Variants in GPC3 observed in about 807,000 individuals in gnomAD.
GPC3 encodes the protein glypican-3.
GPC3 carries 3 observed loss-of-function variants against 34.4 expected under a neutral mutation model. That is an observed-to-expected ratio of 0.09 (90% CI 0.04 to 0.23). The LOEUF is 0.23. Ranked by LOEUF, GPC3 falls within the 10% of genes least tolerant of loss-of-function variation. GPC3 has a pLI of 1.00. For missense variants in GPC3, 351 were observed against 445.6 expected, an observed-to-expected ratio of 0.79 and a Z score of 1.91; for synonymous variants, 177 against 174.0, an observed-to-expected ratio of 1.02 and a Z score of -0.13.
rs753432691 is a variant in GPC3, at chrX:133,596,615, C to A, written c.1414-16G>T. ...TTCTCAGGAGCTGAAAGAAAACAAC[C>A]AGGAATGCATCAGCTCTTCATATTT... is the stretch of plus-strand genomic sequence containing the variant. On this transcript the variant is annotated splice_polypyrimidine_tract_variant and intron_variant, in intron 6 of 7. Coordinates refer to ENST00000370818, the MANE Select transcript of GPC3 (RefSeq NM_004484.4). 6 of 1,203,905 alleles carry A rather than the reference C, an allele frequency of 5.0e-6. No individual in the cohort carries two copies. In the Admixed American group the frequency reaches 1.1e-4, roughly 22 times the overall value.
chrX:133,582,477 G>A (rs2069740753), intron 7 of GPC3, among the ~76,000 whole-genome samples: 2 of 111,860 alleles, frequency 1.8e-5, no homozygotes, highest in Non-Finnish European at 3.8e-5. Flanking sequence ...CCTACTCAAT[G>A]TGTGGGCTAC....
intron 2 of GPC3, among the ~76,000 whole-genome samples, chrX:133,888,130 G>A (rs759442623): frequency 9.1e-6 from 1 of 109,814 alleles, no homozygotes; most frequent in Admixed American, 9.8e-5. Context: ...GTGTCCATGT[G>A]TTCTCATTGT....
At position 133,704,458 on chromosome X, in the gene GPC3, A is replaced by G. The variant is rs1481315002; in HGVS notation, c.1033-4430T>C. Reference sequence around the variant, plus strand: ...CACACGAGATCCTTTAGAAAGGAAGACCCAAAGAAATGAGGAAAGCTGTGG... The same window carrying G: ...CACACGAGATCCTTTAGAAAGGAAGGCCCAAAGAAATGAGGAAAGCTGTGG... On this transcript the variant is annotated intron_variant, in intron 3 of 7. Transcript: ENST00000370818. Among the ~76,000 whole-genome samples the G allele has an allele frequency of 2.8e-5, 3 of 107,065 alleles. No homozygotes were observed. In the East Asian group the frequency reaches 8.7e-4, roughly 31 times the overall value. The allele number at this position is 107,065 out of a possible 115,157, so 93.0% of individuals were successfully genotyped here.
Position 133,800,523 on chromosome X carries a change from G to C in GPC3, c.338-46347C>G, listed in dbSNP as rs767195228. Among the ~76,000 whole-genome samples the C allele has an allele frequency of 6.2e-5, 7 of 112,041 alleles. No homozygotes were observed. The South Asian group carries it at 2.6e-3, about 42-fold the overall frequency. Reference sequence around the variant, plus strand: ...TGGTTATTATGGTGTCAGGAGACGGGTAGTAACTTGATGAGTACCGTCAAT... The same window carrying C: ...TGGTTATTATGGTGTCAGGAGACGGCTAGTAACTTGATGAGTACCGTCAAT... On this transcript the variant is annotated intron_variant, in intron 2 of 7. Transcript: ENST00000370818.
chrX:133,697,473 G>A (rs772939358), intron 4 of GPC3, among the ~76,000 whole-genome samples: 1 of 110,799 alleles, frequency 9.0e-6, no homozygotes, highest in Non-Finnish European at 1.9e-5. Context: ...TATCCTTCAG[G>A]CTGAGCTCAA....
At chrX:133,870,441 C>T (rs2075989477) in intron 2 of GPC3, among the ~76,000 whole-genome samples, 1 of 111,565 alleles carries the variant, frequency 9.0e-6, no homozygotes, top group South Asian at 3.7e-4. Context: ...TTAACTTTAG[C>T]TGAGCCCTGG....
chrX:133,540,689 A>AAAACTATTG (rs2069332392), intron 7 of GPC3, among the ~76,000 whole-genome samples: 1 of 111,577 alleles, frequency 9.0e-6, no homozygotes, highest in African/African-American at 3.3e-5. Flanking sequence ...TCTGTACCCA[A>AAAACTATTG]AAACTATTGA....
intron 2 of GPC3, among the ~76,000 whole-genome samples, chrX:133,940,865 T>C (rs1412029253): frequency 1.8e-5 from 2 of 112,319 alleles, no homozygotes; most frequent in Non-Finnish European, 3.8e-5. Context: ...GTTTTTCCTG[T>C]CTCTCTGTTT....
At chrX:133,673,454 C>T (rs1400224694) in intron 5 of GPC3, among the ~76,000 whole-genome samples, 1 of 112,427 alleles carries the variant, frequency 8.9e-6, no homozygotes, top group Non-Finnish European at 1.9e-5. Flanking sequence ...AACAAGGGGG[C>T]AAGGAACTAG....
chrX:133,691,454 G>T (rs376179913), intron 5 of GPC3, among the ~76,000 whole-genome samples: 2 of 108,299 alleles, frequency 1.8e-5, no homozygotes, highest in African/African-American at 6.8e-5. Flanking sequence ...AGCCAAGATC[G>T]CACCATTGTA....
intron 2 of GPC3, among the ~76,000 whole-genome samples, chrX:133,778,860 A>G (rs912339766): frequency 8.9e-6 from 1 of 112,055 alleles, no homozygotes; most frequent in African/African-American, 3.2e-5. Context: ...GACATGAAAC[A>G]CTTTAGATTA....
intron 2 of GPC3, among the ~76,000 whole-genome samples, chrX:133,860,005 T>C (rs936957784): frequency 2.7e-5 from 3 of 110,835 alleles, no homozygotes; most frequent in African/African-American, 9.9e-5. Context: ...CAATCAGTTC[T>C]GGAAACTAAC....
At chrX:133,712,911 C>A (rs2071284602) in intron 3 of GPC3, among the ~76,000 whole-genome samples, 1 of 111,204 alleles carries the variant, frequency 9.0e-6, no homozygotes. Context: ...AAAAAATAAA[C>A]CCCTGTAGAT....
rs756844729 is a variant in GPC3 at position 133,753,753 on chromosome X, C to T, written c.761G>A (p.Arg254Gln). 6.6e-6 allele frequency: 8 copies of T among 1,211,283 alleles called. No homozygotes were observed. The highest frequency in any genetic ancestry group is 6.5e-5 in the Admixed American group (3 of 46,029). ...GCAGTACCACATTCTGGTGAGCATT[C>T]GGCCACAGTCCTTACTGAACTTCAG... ...DHLKFSKDCG[R>Q]MLTRMWYCSY... The change falls in exon 3 of 8, where the codon CGA becomes CAA. Residue 254 changes from arginine (R) to glutamine (Q), a missense_variant. Arg to Gln is a conservative substitution (Grantham distance 43, BLOSUM62 1). Coordinates refer to ENST00000370818, the MANE Select transcript of GPC3 (RefSeq NM_004484.4).
At chrX:133,817,478 C>CAAACAA (rs1202066557) in intron 2 of GPC3, among the ~76,000 whole-genome samples, 7 of 109,814 alleles carry the variant, frequency 6.4e-5, no homozygotes, top group African/African-American at 1.7e-4. Context: ...TCTGCAGCTT[C>CAAACAA]AAACAAAAAC....
intron 6 of GPC3, among the ~76,000 whole-genome samples, chrX:133,632,082 A>T (rs1273915330): frequency 3.6e-5 from 4 of 110,476 alleles, no homozygotes; most frequent in African/African-American, 1.3e-4. Context: ...AACAGTTAAC[A>T]TTTACCACTT....
chrX:133,781,243 A>G (rs1041049573), intron 2 of GPC3, among the ~76,000 whole-genome samples: 10 of 112,261 alleles, frequency 8.9e-5, no homozygotes, highest in Admixed American at 5.7e-4. Flanking sequence ...CATTTCCTTC[A>G]CTTCAAAAGT....
chrX:133,588,074 T>C (rs762181401), intron 7 of GPC3, among the ~76,000 whole-genome samples: 2 of 111,437 alleles, frequency 1.8e-5, no homozygotes, highest in South Asian at 7.7e-4. Context: ...GGTCACATGT[T>C]GGAGGGGCTG....
chrX:133,580,001 G>A (rs779363096), intron 7 of GPC3, among the ~76,000 whole-genome samples: 2 of 112,737 alleles, frequency 1.8e-5, no homozygotes, highest in Admixed American at 9.4e-5. Flanking sequence ...GCCCAGGCAC[G>A]CCTGAAGGAA....
Sources: allele counts gnomAD v4.1 joint callset (sites outside exome capture counted in the v4.1 genomes callset), GRCh38; gene constraint gnomAD v4.1.1; transcripts MANE v1.5; gene names NCBI Gene and HGNC (gene_info 2026-07-23, HGNC 2026-07-21).